The following NRK variants were observed in gnomAD, a reference collection of about 807,000 sequenced individuals.
NRK encodes nik-related protein kinase.
In NRK, 67 loss-of-function variants were observed where a neutral mutation model predicts 125.2. That is an observed-to-expected ratio of 0.54 (90% confidence interval 0.44 to 0.66). The LOEUF (loss-of-function observed/expected upper bound fraction) is 0.66, where lower values mean the gene tolerates loss of function less well. Ranked by LOEUF, NRK falls within the 30% of genes least tolerant of loss-of-function variation. The pLI, the probability that NRK is intolerant of heterozygous loss-of-function variation, is 0.00. For missense variants in NRK, 1,224 were observed against 1,192.9 expected, an observed-to-expected ratio of 1.03 and a Z score of -0.38; for synonymous variants, 458 against 429.0, an observed-to-expected ratio of 1.07 and a Z score of -0.84.
At chrX:105,831,161 T>G in intron 2 of NRK, 42 bp downstream of exon 2, 1 of 832,115 alleles carries the variant, frequency 1.2e-6, no homozygotes, top group Non-Finnish European at 1.8e-6. Flanking sequence ...CATTTTCTAA[T>G]GACAACAAAG....
intron 2 of NRK, among the ~76,000 whole-genome samples, chrX:105,863,897 C>CT (rs2039635580): frequency 8.9e-6 from 1 of 112,195 alleles, no homozygotes; most frequent in South Asian, 3.7e-4. Context: ...TTCCCAAAGG[C>CT]TTTTGCTGTT....
chrX:105,851,616 G>T (rs903026798), intron 2 of NRK, among the ~76,000 whole-genome samples: 2 of 111,824 alleles, frequency 1.8e-5, no homozygotes, highest in Admixed American at 9.5e-5. Flanking sequence ...GGGAAATGAG[G>T]CACATGGCAG....
At chrX:105,940,055 T>C in intron 23 of NRK, 23 bp downstream of exon 23, 2 of 1,076,489 alleles carry the variant, frequency 1.9e-6, no homozygotes, top group Non-Finnish European at 1.3e-6. Context: ...TCATGTTTAC[T>C]ACAGCTATAT....
chrX:105,943,087 T>A (rs1416819628), intron 23 of NRK, among the ~76,000 whole-genome samples: 5 of 112,048 alleles, frequency 4.5e-5, no homozygotes, highest in Admixed American at 9.5e-5. Flanking sequence ...TATTTGGGTG[T>A]CAAATATCAG....
chrX:105,925,649 AGTT>A (rs1171845937), intron 19 of NRK, among the ~76,000 whole-genome samples: 1 of 110,922 alleles, frequency 9.0e-6, no homozygotes, highest in African/African-American at 3.3e-5. Flanking sequence ...TTTACTCTCT[AGTT>A]ACTTGAGACC....
chrX:105,908,658 A>G (rs1471215040), intron 12 of NRK, 69 bp from the exon 13 acceptor site: 2 of 1,108,744 alleles, frequency 1.8e-6, no homozygotes, highest in Non-Finnish European at 2.4e-6. Context: ...AGTAAAAACA[A>G]TGCCCCTGAA....
At chrX:105,832,152 G>A (rs908240806) in intron 2 of NRK, among the ~76,000 whole-genome samples, 14 of 111,843 alleles carry the variant, frequency 1.3e-4, no homozygotes, top group African/African-American at 1.9e-4. Context: ...AATTCTTAGT[G>A]ATGTAAAAGC....
chrX:105,936,263 G>T (rs771628438), intron 21 of NRK, among the ~76,000 whole-genome samples: 8 of 111,747 alleles, frequency 7.2e-5, no homozygotes, highest in African/African-American at 2.6e-4. Flanking sequence ...GTGGATTAAA[G>T]AATTTTTAAA....
chrX:105,871,678 T>C (rs1017731688), intron 2 of NRK, among the ~76,000 whole-genome samples: 9 of 111,205 alleles, frequency 8.1e-5, no homozygotes, highest in African/African-American at 3.0e-4. Flanking sequence ...GGGAGATAGA[T>C]AGGCAAATAG....
At chrX:105,905,399 C>G in intron 10 of NRK, 56 bp downstream of exon 10, 1 of 889,450 alleles carries the variant, frequency 1.1e-6, no homozygotes, top group Non-Finnish European at 1.6e-6. Context: ...TTTATGTTAG[C>G]AAAGAAGTTT....
At chrX:105,858,664 T>G (rs964616880) in intron 2 of NRK, among the ~76,000 whole-genome samples, 5 of 110,927 alleles carry the variant, frequency 4.5e-5, no homozygotes, top group Non-Finnish European at 9.4e-5. Flanking sequence ...GCTCAGGCAA[T>G]TCCTCTGGTG....
intron 19 of NRK, among the ~76,000 whole-genome samples, chrX:105,930,317 T>G (rs2040578720): frequency 9.1e-6 from 1 of 110,386 alleles, no homozygotes; most frequent in South Asian, 3.9e-4. Flanking sequence ...GTCTTCAAGT[T>G]CAGAAATTCT....
At chrX:105,864,872 C>G (rs1473231996) in intron 2 of NRK, among the ~76,000 whole-genome samples, 1 of 110,984 alleles carries the variant, frequency 9.0e-6, no homozygotes, top group East Asian at 2.9e-4. Flanking sequence ...TCTCCCTTCT[C>G]TCCCCTTTTC....
At chrX:105,904,772 T>C (rs2040200163) in intron 9 of NRK, among the ~76,000 whole-genome samples, 1 of 111,138 alleles carries the variant, frequency 9.0e-6, no homozygotes, top group African/African-American at 3.3e-5. Context: ...AGTTGCACTA[T>C]ACCTATTTTT....
chrX:105,886,629 A>G (rs1001825830), intron 4 of NRK, among the ~76,000 whole-genome samples: 2 of 106,684 alleles, frequency 1.9e-5, no homozygotes, highest in African/African-American at 6.7e-5. Flanking sequence ...GAAAGAATAT[A>G]CACTAAACAG....
At chrX:105,912,346 G>T (rs935521705) in intron 13 of NRK, among the ~76,000 whole-genome samples, 1 of 110,433 alleles carries the variant, frequency 9.1e-6, no homozygotes, top group African/African-American at 3.3e-5. Context: ...CCCTGTAGAT[G>T]AACTTCAGGA....
At chrX:105,937,207 G>A (rs1445876106) in intron 21 of NRK, among the ~76,000 whole-genome samples, 1 of 109,904 alleles carries the variant, frequency 9.1e-6, no homozygotes, top group African/African-American at 3.3e-5. Context: ...TAGTTACACA[G>A]TATGAGGTGA....
At chrX:105,913,674 AC>A (rs754459793) in intron 14 of NRK, among the ~76,000 whole-genome samples, 1 of 111,332 alleles carries the variant, frequency 9.0e-6, no homozygotes, top group Non-Finnish European at 1.9e-5. Context: ...TCTACCAAAT[AC>A]CCAGAGTTTA....
At chrX:105,878,095 A>G (rs766782862) in intron 2 of NRK, among the ~76,000 whole-genome samples, 1 of 111,465 alleles carries the variant, frequency 9.0e-6, no homozygotes. Flanking sequence ...AAAGGGATGC[A>G]TGCAAATCAG....
Sources: gnomAD v4.1 joint callset for allele counts (sites outside exome capture counted in the v4.1 genomes callset) on GRCh38, gnomAD v4.1.1 for gene constraint, MANE v1.5 for transcripts, NCBI Gene and HGNC (gene_info 2026-07-23, HGNC 2026-07-21) for gene names.